Variants in SIPA1L2 observed in about 807,000 individuals in gnomAD.
SIPA1L2 encodes the protein signal induced proliferation associated 1 like 2, also known as signal-induced proliferation-associated 1-like protein 2.
A neutral mutation model predicts 163.9 loss-of-function variants in SIPA1L2; 56 were observed. The ratio of observed to expected loss-of-function variants is 0.34; its 90% CI spans 0.28 to 0.43. The LOEUF is 0.43. Among genes scored for constraint, SIPA1L2 ranks in the 20% least tolerant of loss-of-function variants. The pLI, the probability that SIPA1L2 is intolerant of heterozygous loss-of-function variation, is 1.00. For missense variants in SIPA1L2, 1,974 were observed against 2,193.5 expected, an observed-to-expected ratio of 0.90 and a Z score of 2.00; for synonymous variants, 877 against 865.7, an observed-to-expected ratio of 1.01 and a Z score of -0.23.
chr1:232,414,193 G>A (rs967574473), intron 19 of SIPA1L2, among the ~76,000 whole-genome samples: 2 of 152,188 alleles, frequency 1.3e-5, no homozygotes. Flanking sequence ...CATTTAGGGA[G>A]CAGTGAGCGC....
intron 2 of SIPA1L2, among the ~76,000 whole-genome samples, chr1:232,568,385 T>C (rs1415524669): frequency 6.6e-6 from 1 of 152,190 alleles, no homozygotes; most frequent in Non-Finnish European, 1.5e-5. Flanking sequence ...AATTGCTTGC[T>C]TGGTGTGGGG....
chr1:232,598,775 C>T (rs1158076924), intron 1 of SIPA1L2, among the ~76,000 whole-genome samples: 1 of 151,976 alleles, frequency 6.6e-6, no homozygotes, highest in Non-Finnish European at 1.5e-5. Flanking sequence ...TCCAAAGGCC[C>T]CACCTGTCAA....
chr1:232,613,978 T>G (rs926743114), intron 1 of SIPA1L2, among the ~76,000 whole-genome samples: 1 of 152,174 alleles, frequency 6.6e-6, no homozygotes, highest in African/African-American at 2.4e-5. Context: ...AAACCACTTA[T>G]CTGAGGATTA....
At position 232,514,039 on chromosome 1, in the gene SIPA1L2, A is replaced by G; in HGVS notation, c.1301T>C (p.Phe434Ser). ...GAAAGAGCAGCTTTCCCCAGAACTG[A>G]AAGAGGATGAGTTGGCTCGAGAGAG... ...IALSRANSSS[F>S]SSGESCSFES... The change falls in exon 3 of 23, where the codon TTC (phenylalanine) becomes TCC (serine). Residue 434 changes from phenylalanine (F) to serine (S), a missense_variant. Physicochemically the swap from Phe to Ser is radical, Grantham distance 155 (BLOSUM62 -2). This residue lies in a region of SIPA1L2 where 607 missense variants were observed against 624.0 expected (regional missense o/e 0.97). Coordinates refer to ENST00000674635, the MANE Select transcript of SIPA1L2 (RefSeq NM_020808.5). 1 of 1,614,220 alleles carries G rather than the reference A, an allele frequency of 6.2e-7. No homozygotes were observed. Among genetic ancestry groups the G allele is most frequent in the African/African-American group, 1.3e-5 (1 of 75,074 alleles).
chr1:232,495,890 A>G (rs1413317683), intron 3 of SIPA1L2, among the ~76,000 whole-genome samples: 1 of 152,200 alleles, frequency 6.6e-6, no homozygotes, highest in Non-Finnish European at 1.5e-5. Context: ...GATACAAAGA[A>G]AGCATTTTTG....
At chr1:232,591,147 T>C (rs1027892220) in intron 1 of SIPA1L2, among the ~76,000 whole-genome samples, 2 of 152,124 alleles carry the variant, frequency 1.3e-5, no homozygotes, top group African/African-American at 4.8e-5. Flanking sequence ...GCAGCCCACA[T>C]AGGAACAATG....
chr1:232,520,400 A>G lies in SIPA1L2; in HGVS notation c.-269-4792T>C, dbSNP rs567407268. ...TTTAGAGCATGAAGGAGCTGTTCTCATGCTAACTGTCTTGGTAATAATTTT... is the reference window on the plus strand; with the variant it reads ...TTTAGAGCATGAAGGAGCTGTTCTCGTGCTAACTGTCTTGGTAATAATTTT... On this transcript the variant is annotated intron_variant, in intron 2 of 22. Transcript: ENST00000674635. Among the ~76,000 whole-genome samples, 5 of 152,380 alleles carry G rather than the reference A, an allele frequency of 3.3e-5. No homozygotes were observed. In the South Asian group the frequency reaches 8.3e-4, roughly 25 times the overall value.
At chr1:232,488,352 A>C (rs1054729514) in intron 5 of SIPA1L2, among the ~76,000 whole-genome samples, 10 of 152,214 alleles carry the variant, frequency 6.6e-5, no homozygotes, top group African/African-American at 2.4e-4. Flanking sequence ...TACTATTAGG[A>C]AAATGAATAA....
At chr1:232,422,220 T>C (rs1661616749) in intron 18 of SIPA1L2, among the ~76,000 whole-genome samples, 1 of 152,196 alleles carries the variant, frequency 6.6e-6, no homozygotes, top group South Asian at 2.1e-4. Context: ...TCTCAACTGC[T>C]GGATCAGGTG....
intron 7 of SIPA1L2, among the ~76,000 whole-genome samples, chr1:232,472,287 C>T (rs1246050546): frequency 6.6e-6 from 1 of 152,134 alleles, no homozygotes; most frequent in Non-Finnish European, 1.5e-5. Flanking sequence ...CTTCCTATTT[C>T]CCGGGCCTAT....
At chr1:232,451,313 T>A (rs926674730) in intron 10 of SIPA1L2, among the ~76,000 whole-genome samples, 3 of 152,154 alleles carry the variant, frequency 2.0e-5, no homozygotes, top group Non-Finnish European at 4.4e-5. Flanking sequence ...GCAGTGCCCA[T>A]CAGAAATGGA....
At chr1:232,531,410 C>T (rs1392615281) in intron 2 of SIPA1L2, among the ~76,000 whole-genome samples, 1 of 152,200 alleles carries the variant, frequency 6.6e-6, no homozygotes, top group East Asian at 1.9e-4. Flanking sequence ...AGTTCAAATG[C>T]TGGCTTAGCC....
chr1:232,623,079 G>A (rs1018607421), intron 1 of SIPA1L2, among the ~76,000 whole-genome samples: 4 of 152,168 alleles, frequency 2.6e-5, no homozygotes, highest in African/African-American at 7.2e-5. Flanking sequence ...GATGGTGCTC[G>A]TTTAGCTGGA....
chr1:232,479,766 C>G, intron 6 of SIPA1L2, 36 bp from the exon 7 acceptor site: 1 of 1,573,480 alleles, frequency 6.4e-7, no homozygotes, highest in South Asian at 1.1e-5. Flanking sequence ...GCAAGGTAAG[C>G]TGCTACAAAA....
In SIPA1L2 at chr1:232,493,508, C is replaced by G. The variant is rs1005617643; in HGVS notation, c.1617+19G>C. 6.8e-6 allele frequency: 11 copies of G among 1,613,640 alleles called. No individual in the cohort carries two copies. Among genetic ancestry groups the G allele is most frequent in the Non-Finnish European group, 9.3e-6 (11 of 1,179,714 alleles). The stretch of plus-strand genomic sequence containing the variant: ...GGTTTAGACTTTAGCCCAATAACTA[C>G]GGCAAGCAGCCCCATTACCTCACTT... On this transcript the variant is annotated intron_variant, in intron 4 of 22. Coordinates refer to ENST00000674635, the MANE Select transcript of SIPA1L2 (RefSeq NM_020808.5).
chr1:232,619,392 T>C (rs77933744), intron 1 of SIPA1L2, among the ~76,000 whole-genome samples: 7,404 of 152,300 alleles, frequency 0.049, 227 homozygotes, highest in East Asian at 0.14. Flanking sequence ...ACCTGACACA[T>C]AGCCATCAAC....
At chr1:232,581,296 G>A (rs1407884886) in intron 1 of SIPA1L2, among the ~76,000 whole-genome samples, 7 of 152,198 alleles carry the variant, frequency 4.6e-5, no homozygotes, top group Non-Finnish European at 7.4e-5. Flanking sequence ...GGTCATATAC[G>A]GTTTTCTCTG....
chr1:232,623,893 C>T (rs1430855321), intron 1 of SIPA1L2, among the ~76,000 whole-genome samples: 1 of 152,090 alleles, frequency 6.6e-6, no homozygotes, highest in East Asian at 1.9e-4. Context: ...CTGCTATAAA[C>T]TCTAACCAGT....
At chr1:232,545,091 A>T (rs1318493387) in intron 2 of SIPA1L2, among the ~76,000 whole-genome samples, 1 of 152,222 alleles carries the variant, frequency 6.6e-6, no homozygotes, top group Non-Finnish European at 1.5e-5. Context: ...CCTCATACTA[A>T]AATAAGATAT....
Sources: allele counts gnomAD v4.1 joint callset (sites outside exome capture counted in the v4.1 genomes callset), GRCh38; gene constraint gnomAD v4.1.1; regional missense constraint gnomAD v4.1.1; transcripts MANE v1.5; gene names NCBI Gene and HGNC (gene_info 2026-07-23, HGNC 2026-07-21).